Variants in CC2D2A observed in about 807,000 individuals in gnomAD.
CC2D2A encodes the protein coiled-coil and C2 domain containing 2A.
Under a neutral mutation model 212.9 loss-of-function variants are expected in CC2D2A, and 155 were observed. That is an observed-to-expected ratio of 0.73 (90% confidence interval 0.64 to 0.83). CC2D2A has a LOEUF of 0.83. Among genes scored for constraint, CC2D2A ranks in the 40% least tolerant of loss-of-function variants. The pLI is 0.00. For missense variants in CC2D2A, 1,856 were observed against 1,956.2 expected (o/e 0.95, Z 0.97); for synonymous variants, 667 against 686.5 (o/e 0.97, Z 0.44).
At chr4:15,593,685 C>T (rs1721202070) in intron 33 of CC2D2A, among the ~76,000 whole-genome samples, 1 of 152,188 alleles carries the variant, frequency 6.6e-6, no homozygotes, top group African/African-American at 2.4e-5. Context: ...TTGGAGTCAT[C>T]TGTGATTCCT....
At chr4:15,572,675 G>A (rs931724204) in intron 28 of CC2D2A, among the ~76,000 whole-genome samples, 1 of 151,650 alleles carries the variant, frequency 6.6e-6, no homozygotes, top group African/African-American at 2.4e-5. Flanking sequence ...AAACGGACAG[G>A]ACTAATAGGA....
intron 4 of CC2D2A, chr4:15,482,387 T>C (rs192363733): frequency 7.5e-4 from 560 of 741,824 alleles, no homozygotes; most frequent in Middle Eastern, 2.8e-3. Flanking sequence ...CACCCAACAT[T>C]TATTTTCTCA....
intron 1 of CC2D2A, among the ~76,000 whole-genome samples, chr4:15,472,124 T>C (rs1267459124): frequency 2.0e-5 from 3 of 151,976 alleles, no homozygotes; most frequent in Admixed American, 6.5e-5. Flanking sequence ...GATGGAGGGG[T>C]AGAGTGGAGT....
At chr4:15,584,688 ACAAT>A in intron 30 of CC2D2A, among the ~76,000 whole-genome samples, 1 of 152,238 alleles carries the variant, frequency 6.6e-6, no homozygotes, top group Non-Finnish European at 1.5e-5. Context: ...AGCAAAGGAA[ACAAT>A]CAATAGAGTC....
chr4:15,504,890 A>C (rs2109000710), intron 6 of CC2D2A, among the ~76,000 whole-genome samples: 1 of 152,330 alleles, frequency 6.6e-6, no homozygotes. Context: ...ACTGTTCATC[A>C]AAAAATATAG....
intron 35 of CC2D2A, among the ~76,000 whole-genome samples, chr4:15,597,884 T>C (rs1434234203): frequency 2.6e-5 from 4 of 152,164 alleles, no homozygotes; most frequent in Non-Finnish European, 5.9e-5. Context: ...CCTGTAAAAA[T>C]AGAACTTATT....
chr4:15,514,426 A>AT (rs1486538298), intron 8 of CC2D2A, among the ~76,000 whole-genome samples: 6 of 152,298 alleles, frequency 3.9e-5, no homozygotes, highest in African/African-American at 1.4e-4. Flanking sequence ...AGGAGGCCAG[A>AT]TTTGTTGGGA....
At chr4:15,481,421 G>T in intron 4 of CC2D2A, 1 of 339,904 alleles carries the variant, frequency 2.9e-6, no homozygotes. Context: ...TGAGGCATGA[G>T]AATTGCTTGA....
chr4:15,594,357 C>T (rs1376646301), intron 33 of CC2D2A, among the ~76,000 whole-genome samples: 2 of 152,162 alleles, frequency 1.3e-5, no homozygotes, highest in African/African-American at 4.8e-5. Flanking sequence ...CACCCCCAAA[C>T]TAAATGGCTT....
chr4:15,504,276 A>G (rs960720150), intron 6 of CC2D2A, among the ~76,000 whole-genome samples: 7 of 152,204 alleles, frequency 4.6e-5, no homozygotes, highest in African/African-American at 1.7e-4. Flanking sequence ...AAATGGCTTT[A>G]TGACTATTTG....
In CC2D2A at chr4:15,567,476, C is replaced by G. The variant is rs766917693; in HGVS notation, c.3282C>G (p.Leu1094=). Residue 1094 remains leucine (L), a synonymous_variant, in exon 25 of 37, where the codon CTC becomes CTG. Coordinates refer to ENST00000424120, the MANE Select transcript of CC2D2A (RefSeq NM_001378615.1). ...CAACCCACAATGCTGACTACCCCCT[C>G]GGCCAGGTGAGAGATGCTGGACTTC... The part of the protein sequence containing the change: ...YSPTHNADYP[L]GQVLVRPFVE... 4 of 1,612,246 alleles carry G rather than the reference C, an allele frequency of 2.5e-6. No individual in the cohort carries two copies. In the Admixed American group the frequency reaches 6.7e-5, roughly 27 times the overall value.
Position 15,531,058 on chromosome 4 carries a change from A to AC in CC2D2A, c.1467-2131dup, listed in dbSNP as rs1717823246. Among the ~76,000 whole-genome samples the AC allele has an allele frequency of 7.9e-5, 12 of 152,236 alleles. No individual in the cohort carries two copies. In the South Asian group the frequency reaches 2.5e-3, roughly 32 times the overall value. ...GTCTTGAACACATAAAAATTCTATGACCCCAAGTCCCCATCCAGCTACTAC... is the reference window on the plus strand; with the variant it reads ...GTCTTGAACACATAAAAATTCTATGACCCCCAAGTCCCCATCCAGCTACTAC... On this transcript the variant is annotated intron_variant, in intron 13 of 36. Transcript: ENST00000424120.
intron 4 of CC2D2A, among the ~76,000 whole-genome samples, chr4:15,493,123 C>T (rs1715407221): frequency 6.6e-6 from 1 of 152,142 alleles, no homozygotes; most frequent in Non-Finnish European, 1.5e-5. Context: ...AGTGTCTTTG[C>T]ATCAGATAGT....
At position 15,533,243 on chromosome 4, in the gene CC2D2A, T is replaced by G. The variant is rs1259612167; in HGVS notation, c.1517T>G (p.Leu506Arg). ...GAACAAGAAAAAGATAGAACATTGC[T>G]TAAGACTATCATAAAAGTTTGGAAA... is the stretch of plus-strand genomic sequence containing the variant. ...DAEQEKDRTL[L>R]KTIIKVWKEM... Residue 506 changes from leucine to arginine, a missense_variant, in exon 14 of 37, where the codon CTT (leucine) becomes CGT (arginine). Transcript: ENST00000424120. The G allele has an allele frequency of 3.1e-6, 5 of 1,601,882 alleles. No homozygotes were observed. The highest frequency in any genetic ancestry group is 4.3e-6 in the Non-Finnish European group (5 of 1,176,458).
At chr4:15,523,439 T>C (rs1002627740) in intron 11 of CC2D2A, among the ~76,000 whole-genome samples, 2 of 152,086 alleles carry the variant, frequency 1.3e-5, no homozygotes, top group African/African-American at 4.8e-5. Context: ...GATTCCAAGC[T>C]CCCGCAGAGG....
At chr4:15,564,549 T>C (rs574744266) in intron 24 of CC2D2A, among the ~76,000 whole-genome samples, 30 of 152,352 alleles carry the variant, frequency 2.0e-4, no homozygotes, top group African/African-American at 7.2e-4. Context: ...ATAAGTGGCT[T>C]GGCTAAGGTC....
intron 17 of CC2D2A, among the ~76,000 whole-genome samples, chr4:15,548,864 A>T (rs954377182): frequency 6.6e-6 from 1 of 152,194 alleles, no homozygotes; most frequent in African/African-American, 2.4e-5. Flanking sequence ...CTTATAAATT[A>T]ATAGAGGCTT....
At chr4:15,550,792 T>C in intron 17 of CC2D2A, 32 bp from the exon 18 acceptor site, 1 of 1,514,330 alleles carries the variant, frequency 6.6e-7, no homozygotes, top group Non-Finnish European at 9.0e-7. Context: ...TACTGCTGTT[T>C]TTATTGGCTA....
At chr4:15,574,546 T>C (rs1292946717) in intron 29 of CC2D2A, among the ~76,000 whole-genome samples, 1 of 152,242 alleles carries the variant, frequency 6.6e-6, no homozygotes, top group African/African-American at 2.4e-5. Flanking sequence ...GCAATATGTT[T>C]ATATTTATCT....
Sources: allele counts gnomAD v4.1 joint callset (sites outside exome capture counted in the v4.1 genomes callset), GRCh38; gene constraint gnomAD v4.1.1; transcripts MANE v1.5; gene names NCBI Gene and HGNC (gene_info 2026-07-23, HGNC 2026-07-21).